DRC11: variants seen among roughly 807,000 people sequenced by gnomAD.
DRC11 encodes the protein IQ and AAA domain-containing protein 1.
chr2:236,426,258 A>G, the DRC11 span, among the ~76,000 whole-genome samples: 7 of 152,146 alleles, frequency 4.6e-5, no homozygotes, highest in South Asian at 1.5e-3. This position sits in a 1 kb window ranked among gnomAD's most constrained non-coding sequence, Gnocchi z 4.1. Context: ...AATTCTTCCA[A>G]TTCATGAGTA....
chr2:236,449,795 C>T, the DRC11 span, among the ~76,000 whole-genome samples: 1 of 152,176 alleles, frequency 6.6e-6, no homozygotes, highest in African/African-American at 2.4e-5. This position sits in a 1 kb window ranked among gnomAD's most constrained non-coding sequence, Gnocchi z 5.1. Context: ...ACCTCCCCTC[C>T]CCAGCTAGTG....
the DRC11 span, among the ~76,000 whole-genome samples, chr2:236,375,683 T>A: frequency 1.3e-5 from 2 of 152,182 alleles, no homozygotes; most frequent in African/African-American, 4.8e-5. The surrounding 1 kb of genome is among the most constrained non-coding windows in gnomAD (Gnocchi z 4.2). Context: ...CCAGCCTTCT[T>A]GCCCTCACAG....
chr2:236,326,254 T>C, the DRC11 span, among the ~76,000 whole-genome samples: 1 of 152,244 alleles, frequency 6.6e-6, no homozygotes. Flanking sequence ...TCAGTAATAA[T>C]ATCTTTAAAC....
At chr2:236,442,934 G>GT in the DRC11 span, among the ~76,000 whole-genome samples, 3 of 152,168 alleles carry the variant, frequency 2.0e-5, no homozygotes, top group Middle Eastern at 3.2e-3. Context: ...TTTGTCAGTT[G>GT]TTTTCTCAAG....
chr2:236,438,295 G>T, the DRC11 span, among the ~76,000 whole-genome samples: 1 of 139,768 alleles, frequency 7.2e-6, no homozygotes. Flanking sequence ...CTGTTCCATT[G>T]ATCTATATCT....
At chr2:236,359,549 T>C in the DRC11 span, among the ~76,000 whole-genome samples, 6 of 152,248 alleles carry the variant, frequency 3.9e-5, no homozygotes, top group Non-Finnish European at 5.9e-5. This position sits in a 1 kb window ranked among gnomAD's most constrained non-coding sequence, Gnocchi z 4.3. Flanking sequence ...GAAGAATCCA[T>C]GAGGAATCAG....
the DRC11 span, chr2:236,493,830 T>C: frequency 6.2e-7 from 1 of 1,608,436 alleles, no homozygotes; most frequent in Non-Finnish European, 8.5e-7. Flanking sequence ...TCTCTTCCTT[T>C]TATTACTTCC....
At chr2:236,440,521 C>T in the DRC11 span, among the ~76,000 whole-genome samples, 4 of 152,296 alleles carry the variant, frequency 2.6e-5, 1 homozygote, top group Admixed American at 2.6e-4. Context: ...TCAATTTCAT[C>T]AAATGCCACT....
At chr2:236,424,997 T>C in the DRC11 span, among the ~76,000 whole-genome samples, 2 of 152,102 alleles carry the variant, frequency 1.3e-5, no homozygotes, top group African/African-American at 2.4e-5. Flanking sequence ...GAAATTTCCT[T>C]CTTTTTTAAA....
At chr2:236,469,410 T>A in the DRC11 span, among the ~76,000 whole-genome samples, 3 of 152,194 alleles carry the variant, frequency 2.0e-5, no homozygotes, top group African/African-American at 7.2e-5. This position sits in a 1 kb window ranked among gnomAD's most constrained non-coding sequence, Gnocchi z 5.8. Flanking sequence ...TTCACCATGT[T>A]GGTCACACAT....
chr2:236,505,266 C>G, the DRC11 span, among the ~76,000 whole-genome samples: 1 of 152,222 alleles, frequency 6.6e-6, no homozygotes, highest in East Asian at 1.9e-4. Flanking sequence ...GAGGGAAACA[C>G]TTGAATATTC....
At chr2:236,437,211 G>A in the DRC11 span, among the ~76,000 whole-genome samples, 3 of 142,226 alleles carry the variant, frequency 2.1e-5, no homozygotes, top group Admixed American at 7.1e-5. Flanking sequence ...TTGTTCTTGC[G>A]ATAGTTTACT....
chr2:236,435,436 C>T, the DRC11 span, among the ~76,000 whole-genome samples: 938 of 152,244 alleles, frequency 6.2e-3, 10 homozygotes, highest in African/African-American at 0.021. Flanking sequence ...TCTCTGATGC[C>T]GGTATTAGTC....
the DRC11 span, among the ~76,000 whole-genome samples, chr2:236,329,204 T>C: frequency 6.6e-6 from 1 of 152,240 alleles, no homozygotes; most frequent in Non-Finnish European, 1.5e-5. Context: ...ATAATCTATC[T>C]TCAGGTCAGC....
chr2:236,450,215 A>G, the DRC11 span, among the ~76,000 whole-genome samples: 1 of 150,142 alleles, frequency 6.7e-6, no homozygotes, highest in Non-Finnish European at 1.5e-5. Context: ...AATGGGTCCA[A>G]TTTTCTTTGA....
the DRC11 span, among the ~76,000 whole-genome samples, chr2:236,351,925 C>A: frequency 6.6e-6 from 1 of 152,052 alleles, no homozygotes; most frequent in Non-Finnish European, 1.5e-5. The surrounding 1 kb of genome is among the most constrained non-coding windows in gnomAD (Gnocchi z 7.3). Context: ...GCAGGGAGGG[C>A]TGCTGGGGCC....
chr2:236,456,340 C>T, the DRC11 span, among the ~76,000 whole-genome samples: 6 of 152,254 alleles, frequency 3.9e-5, no homozygotes, highest in African/African-American at 4.8e-5. The surrounding 1 kb of genome is among the most constrained non-coding windows in gnomAD (Gnocchi z 5.4). Context: ...TCACGCAGCC[C>T]GCAAGTGATA....
chr2:236,419,209 TTTC>T, the DRC11 span: 40 of 1,546,342 alleles, frequency 2.6e-5, no homozygotes, highest in South Asian at 1.2e-4. The surrounding 1 kb of genome is among the most constrained non-coding windows in gnomAD (Gnocchi z 4.8). Context: ...GTTTTTCCTT[TTTC>T]TTCTTCTTCT....
the DRC11 span, among the ~76,000 whole-genome samples, chr2:236,482,039 G>GGTATAATTCTACATATTATAT: frequency 0.18 from 19,667 of 110,492 alleles, 2,840 homozygotes; most frequent in African/African-American, 0.29. This position sits in a 1 kb window ranked among gnomAD's most constrained non-coding sequence, Gnocchi z 4.5. Flanking sequence ...TATAATTCTA[G>GGTATAATTCTACATATTATAT]GTATAATTCT....
Sources: allele counts gnomAD v4.1 joint callset (sites outside exome capture counted in the v4.1 genomes callset), GRCh38; gene constraint gnomAD v4.1.1; non-coding constraint Gnocchi (gnomAD v3.1); transcripts MANE v1.5; gene names NCBI Gene and HGNC (gene_info 2026-07-23, HGNC 2026-07-21).